PXDN: variants seen among roughly 807,000 people sequenced by gnomAD.
PXDN encodes peroxidasin.
A neutral mutation model predicts 140.3 loss-of-function variants in PXDN; 77 were observed. The ratio of observed to expected loss-of-function variants is 0.55; its 90% CI spans 0.46 to 0.66. The LOEUF (loss-of-function observed/expected upper bound fraction) is 0.66, where lower values mean the gene tolerates loss of function less well. PXDN is among the 30% of genes least tolerant of loss of function. The pLI, the probability that PXDN is intolerant of heterozygous loss-of-function variation, is 0.00. For missense variants in PXDN, 1,838 were observed against 2,039.5 expected, an observed-to-expected ratio of 0.90 and a Z score of 1.90; for synonymous variants, 911 against 857.4, an observed-to-expected ratio of 1.06 and a Z score of -1.09.
intron 19 of PXDN, among the ~76,000 whole-genome samples, chr2:1,641,654 C>T (rs564158940): frequency 1.6e-4 from 24 of 152,262 alleles, no homozygotes; most frequent in Non-Finnish European, 2.4e-4. Context: ...GAAAAGTGTC[C>T]GGAAGAAACA....
Position 1,648,318 on chromosome 2 carries a change from C to G in PXDN, c.3462G>C (p.Leu1154=), listed in dbSNP as rs1413845131. 1 of 1,613,766 alleles carries G rather than the reference C, an allele frequency of 6.2e-7. No homozygotes were observed. Among genetic ancestry groups the G allele is most frequent in the African/African-American group, 1.3e-5 (1 of 74,920 alleles). ...GGCCCCGCTGGATGTTGATGGCCGCCAGGTCCAGAGCCACCGTGTGTGCCA... is the reference window on the plus strand; with the variant it reads ...GGCCCCGCTGGATGTTGATGGCCGCGAGGTCCAGAGCCACCGTGTGTGCCA... The part of the protein sequence containing the change: ...FSMAHTVALD[L]AAINIQRGRD... The change falls in exon 17 of 23, where the codon CTG becomes CTC. Residue 1154 remains leucine (L), a synonymous_variant. Transcript: ENST00000252804. This position sits in a 1 kb window ranked among gnomAD's most constrained non-coding sequence, Gnocchi z 8.9.
intron 17 of PXDN, 92 bp from the exon 18 acceptor site, chr2:1,644,844 A>G (rs1682815600): frequency 8.0e-7 from 1 of 1,242,454 alleles, no homozygotes; most frequent in Non-Finnish European, 1.0e-6. Context: ...TCTTTCTATC[A>G]CTATTTTACA....
chr2:1,731,155 C>T (rs1337602443), intron 1 of PXDN, among the ~76,000 whole-genome samples: 3 of 64,912 alleles, frequency 4.6e-5, no homozygotes, highest in Non-Finnish European at 9.4e-5. Context: ...CGCGCGCGCA[C>T]ACACACACAC....
At position 1,648,502 on chromosome 2, in the gene PXDN, T is replaced by A. The variant is rs893014796; in HGVS notation, c.3278A>T (p.Gln1093Leu). 7 of 1,612,540 alleles carry A rather than the reference T, an allele frequency of 4.3e-6. No individual in the cohort carries two copies. Among genetic ancestry groups the A allele is most frequent in the Non-Finnish European group, 5.9e-6 (7 of 1,179,854 alleles). Reference sequence around the variant, plus strand: ...AGCTTTGTGAAGGGGGAGGTGATCTTGTGCAATGGGCTGGAAGTTCTCGTC... The same window carrying A: ...AGCTTTGTGAAGGGGGAGGTGATCTAGTGCAATGGGCTGGAAGTTCTCGTC... ...RLDENFQPIA[Q>L]DHLPLHKAFF... is the part of the protein sequence containing the mutation. Residue 1093 changes from glutamine to leucine, a missense_variant, in exon 17 of 23, where the codon CAA becomes CTA. Around this residue, in one of 5 missense-constraint regions of PXDN, gnomAD observed 850 missense variants for 894.1 expected, o/e 0.95. Transcript: ENST00000252804. This position sits in a 1 kb window ranked among gnomAD's most constrained non-coding sequence, Gnocchi z 8.9.
intron 19 of PXDN, among the ~76,000 whole-genome samples, chr2:1,642,278 C>T (rs1044047366): frequency 5.3e-5 from 8 of 152,154 alleles, no homozygotes; most frequent in Admixed American, 3.9e-4. Context: ...CACAGAGGCA[C>T]GCACTCTCTT....
chr2:1,702,399 G>A (rs1023156956), intron 1 of PXDN, among the ~76,000 whole-genome samples: 8 of 152,194 alleles, frequency 5.3e-5, no homozygotes, highest in African/African-American at 9.6e-5. Flanking sequence ...CTGCATGGAC[G>A]GGGCAAGGAG....
At chr2:1,701,043 A>G (rs956093985) in intron 1 of PXDN, among the ~76,000 whole-genome samples, 1 of 152,188 alleles carries the variant, frequency 6.6e-6, no homozygotes, top group African/African-American at 2.4e-5. Flanking sequence ...CCCCGCTGGG[A>G]AAGGCGGGAG....
At chr2:1,664,826 T>C (rs1484561135) in intron 11 of PXDN, 132 bp downstream of exon 11, 2 of 783,216 alleles carry the variant, frequency 2.6e-6, no homozygotes, top group Non-Finnish European at 4.0e-6. Flanking sequence ...CCCAGTGCCT[T>C]GGTCCTGTGG....
rs1262726052 is a variant in PXDN at position 1,684,053 on chromosome 2, A to G, written c.488+27T>C. The G allele has an allele frequency of 3.9e-6, 6 of 1,555,380 alleles. 1 individual carries two copies. The South Asian group carries it at 7.1e-5, about 19-fold the overall frequency. The stretch of plus-strand genomic sequence containing the variant: ...ACTGAGGCTTGGGCTCTGTGAATGG[A>G]AAGGCAAGGAACAACACACAACTCA... On this transcript the variant is annotated intron_variant, in intron 5 of 22. Coordinates refer to ENST00000252804, the MANE Select transcript of PXDN (RefSeq NM_012293.3).
chr2:1,733,112 T>A (rs1430469064), intron 1 of PXDN, among the ~76,000 whole-genome samples: 2 of 151,996 alleles, frequency 1.3e-5, no homozygotes, highest in Admixed American at 6.5e-5. Context: ...CTAATACACG[T>A]ATAACTGGAA....
chr2:1,649,533 G>A lies in PXDN; in HGVS notation c.2247C>T (p.Asn749=). Residue 749 remains asparagine, a synonymous_variant, in exon 17 of 23, where the codon AAC becomes AAT. Coordinates refer to ENST00000252804, the MANE Select transcript of PXDN (RefSeq NM_012293.3). The surrounding 1 kb of genome is among the most constrained non-coding windows in gnomAD (Gnocchi z 7.1). Reference sequence around the variant, plus strand: ...CGCCCCACATGGGGTGCTGCAGGTTGTTACAGGTGCCGTCGTGCGTCCGGT... The same window carrying A: ...CGCCCCACATGGGGTGCTGCAGGTTATTACAGGTGCCGTCGTGCGTCCGGT... ...QKYRTHDGTC[N]NLQHPMWGAS... is the part of the protein sequence containing the mutation. 6.2e-7 allele frequency: 1 copy of A among 1,614,042 alleles called. No homozygotes were observed. Among genetic ancestry groups the A allele is most frequent in the Non-Finnish European group, 8.5e-7 (1 of 1,179,896 alleles).
rs766598025 is a variant in PXDN at position 1,649,596 on chromosome 2, G to C, written c.2184C>G (p.Arg728=). ...ANLSGCTAHR[R]VNNCSDMCFH... is the part of the protein sequence containing the mutation. ...AGCACATGTCCGAGCAGTTGTTCAC[G>C]CGCCGGTGGGCGGTACAGCCCGACA... The change falls in exon 17 of 23, where the codon CGC becomes CGG. Residue 728 remains arginine, a synonymous_variant. Transcript: ENST00000252804. The surrounding 1 kb of genome is among the most constrained non-coding windows in gnomAD (Gnocchi z 7.1). The C allele has an allele frequency of 1.2e-6, 2 of 1,614,034 alleles. No homozygotes were observed. The highest frequency in any genetic ancestry group is 1.7e-5 in the Admixed American group (1 of 60,022).
intron 7 of PXDN, among the ~76,000 whole-genome samples, chr2:1,678,936 G>A (rs946495400): frequency 3.9e-5 from 6 of 152,156 alleles, no homozygotes; most frequent in South Asian, 2.1e-4. Context: ...CCAGGCCGGC[G>A]CTCAGTTCTA....
At chr2:1,665,418 T>A (rs551168207) in intron 10 of PXDN, among the ~76,000 whole-genome samples, 1 of 152,338 alleles carries the variant, frequency 6.6e-6, no homozygotes, top group Non-Finnish European at 1.5e-5. Context: ...AACTAATATT[T>A]GCAAATGCTT....
At chr2:1,740,666 G>A (rs1387858183) in intron 1 of PXDN, among the ~76,000 whole-genome samples, 2 of 152,058 alleles carry the variant, frequency 1.3e-5, no homozygotes, top group Admixed American at 1.3e-4. Flanking sequence ...GCACACACCT[G>A]GGGTCATCTT....
At chr2:1,653,529 A>G (rs1683061167) in intron 16 of PXDN, 99 bp downstream of exon 16, 1 of 1,476,078 alleles carries the variant, frequency 6.8e-7, no homozygotes, top group Non-Finnish European at 9.3e-7. Context: ...AGTGGGAAAG[A>G]AAATGCTGGA....
rs187051111 is a variant in PXDN, at chr2:1,668,145, C to T, written c.1019-1659G>A. ...AGAACAGAGCCCTCAGAAATAACAC[C>T]ACCCATCTACAACCATCTGATCTTT... On this transcript the variant is annotated intron_variant, in intron 9 of 22. Transcript: ENST00000252804. 7.5e-3 allele frequency among the ~76,000 whole-genome samples: 1,135 copies of T among 152,204 alleles called. 18 individuals carry two copies. Among genetic ancestry groups the T allele is most frequent in the African/African-American group, 0.026 (1,065 of 41,520 alleles).
intron 14 of PXDN, among the ~76,000 whole-genome samples, chr2:1,658,778 G>C: frequency 1.0e-5 from 1 of 96,014 alleles, no homozygotes; most frequent in Admixed American, 1.4e-4. Flanking sequence ...GGCTCATTCT[G>C]ACCCCAGGAC....
intron 10 of PXDN, among the ~76,000 whole-genome samples, chr2:1,665,293 C>T (rs1427278027): frequency 6.6e-6 from 1 of 152,212 alleles, no homozygotes; most frequent in South Asian, 2.1e-4. Flanking sequence ...GGAAAGCACA[C>T]AAAGACCGTT....
Sources: gnomAD v4.1 joint callset for allele counts (sites outside exome capture counted in the v4.1 genomes callset) on GRCh38, gnomAD v4.1.1 for gene constraint, gnomAD v4.1.1 regional missense constraint, Gnocchi (gnomAD v3.1) non-coding constraint, MANE v1.5 for transcripts, NCBI Gene and HGNC (gene_info 2026-07-23, HGNC 2026-07-21) for gene names.